Variants in HS6ST3 observed in about 807,000 individuals in gnomAD.
HS6ST3 encodes the protein heparan sulfate 6-O-sulfotransferase 3, also known as heparan-sulfate 6-O-sulfotransferase 3.
A neutral mutation model predicts 36.7 loss-of-function variants in HS6ST3; 12 were observed. That is an observed-to-expected ratio of 0.33 (90% CI 0.21 to 0.53). The LOEUF (loss-of-function observed/expected upper bound fraction) is 0.53. HS6ST3 is among the 20% of genes least tolerant of loss of function. The probability of loss-of-function intolerance (pLI) is 0.95; values close to 1 mark genes in which losing one functional copy is unlikely to be tolerated. For synonymous variants in HS6ST3, 240 were observed against 257.5 expected (o/e 0.93, Z 0.65); for missense variants, 584 against 640.9 (o/e 0.91, Z 0.96).
chr13:96,704,805 C>T (rs1028811486), intron 1 of HS6ST3, among the ~76,000 whole-genome samples: 3 of 152,082 alleles, frequency 2.0e-5, no homozygotes, highest in South Asian at 2.1e-4. Flanking sequence ...AACTATAATA[C>T]GTAGGTAACT....
intron 1 of HS6ST3, among the ~76,000 whole-genome samples, chr13:96,346,754 G>A (rs560352143): frequency 6.6e-6 from 1 of 152,158 alleles, no homozygotes; most frequent in Admixed American, 6.5e-5. Context: ...TCTCACAGAT[G>A]GCGCCCAGAG....
chr13:96,603,762 G>T (rs1026110557), intron 1 of HS6ST3, among the ~76,000 whole-genome samples: 2 of 152,126 alleles, frequency 1.3e-5, no homozygotes, highest in African/African-American at 4.8e-5. Context: ...AAATGTGTTG[G>T]CTTAAGAGAG....
intron 1 of HS6ST3, among the ~76,000 whole-genome samples, chr13:96,765,137 A>G (rs573365547): frequency 9.2e-5 from 13 of 140,900 alleles, no homozygotes; most frequent in South Asian, 8.6e-4. Context: ...GCAGTGGCGC[A>G]ATCTCGGCTC....
rs138199881 is a variant in HS6ST3 at position 96,241,435 on chromosome 13, A to G, written c.707+149866A>G. Among the ~76,000 whole-genome samples, 402 of 152,168 alleles carry G rather than the reference A, an allele frequency of 2.6e-3. 3 individuals are homozygous for G. Among genetic ancestry groups the G allele is most frequent in the African/African-American group, 9.2e-3 (384 of 41,560 alleles). ...TGGACCTATGAAATAATTGAAAAAAAGCATTTAAATTAATAGTTCTATCTA... is the reference window on the plus strand; with the variant it reads ...TGGACCTATGAAATAATTGAAAAAAGGCATTTAAATTAATAGTTCTATCTA... On this transcript the variant is annotated intron_variant, in intron 1 of 1. Transcript: ENST00000376705.
At chr13:96,389,232 G>A (rs531241118) in intron 1 of HS6ST3, among the ~76,000 whole-genome samples, 1 of 152,182 alleles carries the variant, frequency 6.6e-6, no homozygotes, top group Non-Finnish European at 1.5e-5. Flanking sequence ...ACGGGACTCA[G>A]AATTTTTGTT....
At chr13:96,573,986 T>C (rs764579179) in intron 1 of HS6ST3, 5 of 540,746 alleles carry the variant, frequency 9.2e-6, no homozygotes, top group Non-Finnish European at 1.9e-5. Flanking sequence ...GCTCTATGGC[T>C]TTCCACAGCC....
intron 1 of HS6ST3, among the ~76,000 whole-genome samples, chr13:96,729,447 A>G (rs1379919869): frequency 6.6e-6 from 1 of 152,046 alleles, no homozygotes; most frequent in East Asian, 1.9e-4. Flanking sequence ...ATCTCTTCCA[A>G]TAGTGACTTT....
At chr13:96,250,878 T>C (rs1360820592) in intron 1 of HS6ST3, among the ~76,000 whole-genome samples, 1 of 152,210 alleles carries the variant, frequency 6.6e-6, no homozygotes, top group Non-Finnish European at 1.5e-5. Context: ...ATTATTGTGG[T>C]GGATCACATT....
At chr13:96,665,591 G>T (rs1361854928) in intron 1 of HS6ST3, among the ~76,000 whole-genome samples, 2 of 152,022 alleles carry the variant, frequency 1.3e-5, no homozygotes, top group African/African-American at 2.4e-5. Flanking sequence ...AGTGGGAAAA[G>T]AATTTCTAGC....
At chr13:96,524,655 C>A (rs1196234378) in intron 1 of HS6ST3, among the ~76,000 whole-genome samples, 1 of 152,226 alleles carries the variant, frequency 6.6e-6, no homozygotes, top group Non-Finnish European at 1.5e-5. Flanking sequence ...TAACAGCGAG[C>A]AAGGCTCCGT....
At chr13:96,115,486 A>G (rs1357029165) in intron 1 of HS6ST3, among the ~76,000 whole-genome samples, 1 of 152,126 alleles carries the variant, frequency 6.6e-6, no homozygotes, top group Non-Finnish European at 1.5e-5. Flanking sequence ...CTTATGAGTG[A>G]GAACATGCGG....
chr13:96,776,323 C>CA (rs1418642614), intron 1 of HS6ST3, among the ~76,000 whole-genome samples: 2 of 151,822 alleles, frequency 1.3e-5, no homozygotes, highest in Admixed American at 6.6e-5. Context: ...TAGCAGAATA[C>CA]AAAAAATAAC....
intron 1 of HS6ST3, among the ~76,000 whole-genome samples, chr13:96,238,478 TG>T (rs2054545070): frequency 1.3e-5 from 2 of 152,244 alleles, no homozygotes; most frequent in Admixed American, 1.3e-4. Flanking sequence ...AGTCTGATTC[TG>T]TGCCTGTCTG....
intron 1 of HS6ST3, among the ~76,000 whole-genome samples, chr13:96,334,084 T>A (rs1356276175): frequency 6.6e-6 from 1 of 152,154 alleles, no homozygotes; most frequent in South Asian, 2.1e-4. Flanking sequence ...GTAGTGCAGA[T>A]TGAATTAGCT....
intron 1 of HS6ST3, among the ~76,000 whole-genome samples, chr13:96,480,538 A>G (rs2055885754): frequency 6.6e-6 from 1 of 151,988 alleles, no homozygotes; most frequent in South Asian, 2.1e-4. Context: ...AATTTTCCAA[A>G]CTCTAGGCTG....
chr13:96,213,485 TC>T (rs1428949554), intron 1 of HS6ST3, among the ~76,000 whole-genome samples: 1 of 152,146 alleles, frequency 6.6e-6, no homozygotes, highest in East Asian at 1.9e-4. Flanking sequence ...AATTCATGTC[TC>T]CTACCCTTTG....
intron 1 of HS6ST3, among the ~76,000 whole-genome samples, chr13:96,532,052 T>C (rs1475582212): frequency 6.6e-6 from 1 of 152,146 alleles, no homozygotes; most frequent in Non-Finnish European, 1.5e-5. Flanking sequence ...ACCTGAGCCC[T>C]ACCTGGTCCC....
intron 1 of HS6ST3, among the ~76,000 whole-genome samples, chr13:96,557,559 C>T (rs1476101716): frequency 6.6e-6 from 1 of 152,172 alleles, no homozygotes; most frequent in African/African-American, 2.4e-5. Context: ...TGTCTTTCAG[C>T]CTCTCAACCT....
intron 1 of HS6ST3, among the ~76,000 whole-genome samples, chr13:96,779,782 A>AC (rs1351002378): frequency 4.6e-5 from 7 of 151,752 alleles, no homozygotes; most frequent in African/African-American, 9.7e-5. Flanking sequence ...AAAAAAAAAA[A>AC]AAAACATTGT....
Sources: gnomAD v4.1 joint callset for allele counts (sites outside exome capture counted in the v4.1 genomes callset) on GRCh38, gnomAD v4.1.1 for gene constraint, MANE v1.5 for transcripts, NCBI Gene and HGNC (gene_info 2026-07-23, HGNC 2026-07-21) for gene names.